RHBDD1: variants seen among roughly 807,000 people sequenced by gnomAD.
RHBDD1 encodes the protein rhomboid domain containing 1, also known as rhomboid-related protein 4.
Under a neutral mutation model 36.3 loss-of-function variants are expected in RHBDD1, and 38 were observed. The observed-to-expected ratio is 1.05, with a 90% CI of 0.81 to 1.37. The LOEUF (loss-of-function observed/expected upper bound fraction) is 1.37. Among genes scored for constraint, RHBDD1 ranks in the 40% most tolerant of loss-of-function variants. The pLI is 0.00. For missense variants in RHBDD1, 393 were observed against 377.6 expected, an observed-to-expected ratio of 1.04 and a Z score of -0.34; for synonymous variants, 151 against 136.5, an observed-to-expected ratio of 1.11 and a Z score of -0.74.
intron 3 of RHBDD1, among the ~76,000 whole-genome samples, chr2:226,850,582 A>G (rs1942708911): frequency 6.6e-6 from 1 of 152,112 alleles, no homozygotes; most frequent in Non-Finnish European, 1.5e-5. Flanking sequence ...AGATGGTGCC[A>G]TCCTGGTCTC....
At chr2:226,868,801 A>G (rs550465403) in intron 5 of RHBDD1, among the ~76,000 whole-genome samples, 1 of 152,192 alleles carries the variant, frequency 6.6e-6, no homozygotes, top group Non-Finnish European at 1.5e-5. Flanking sequence ...CCTGAGTACC[A>G]CTCATTTACA....
chr2:226,809,204 C>A, the RHBDD1 span, among the ~76,000 whole-genome samples: 6 of 152,144 alleles, frequency 3.9e-5, no homozygotes, highest in Non-Finnish European at 5.9e-5. Context: ...GAAGAACAAC[C>A]AGTAAAGTTG....
intron 8 of RHBDD1, among the ~76,000 whole-genome samples, chr2:226,953,364 A>C (rs1275678587): frequency 6.6e-6 from 1 of 152,188 alleles, no homozygotes; most frequent in Non-Finnish European, 1.5e-5. Context: ...TGTTAGTTTG[A>C]GAGCCAAATG....
At chr2:226,975,442 G>C (rs1341841360) in intron 8 of RHBDD1, among the ~76,000 whole-genome samples, 1 of 152,186 alleles carries the variant, frequency 6.6e-6, no homozygotes, top group Admixed American at 6.5e-5. Flanking sequence ...TGGCCATGGG[G>C]TGAGGGAGGG....
chr2:226,988,264 T>C, intron 8 of RHBDD1: 1 of 1,452,588 alleles, frequency 6.9e-7, no homozygotes, highest in Non-Finnish European at 9.3e-7. Context: ...ATCAGGGCCC[T>C]GAGGAGGCCA....
intron 8 of RHBDD1, among the ~76,000 whole-genome samples, chr2:226,960,775 C>A (rs1293276084): frequency 6.6e-6 from 1 of 152,172 alleles, no homozygotes; most frequent in Non-Finnish European, 1.5e-5. Flanking sequence ...CAGTCACTCT[C>A]TTCAGCCATT....
At chr2:226,909,516 C>A (rs1045543995) in intron 7 of RHBDD1, among the ~76,000 whole-genome samples, 3 of 152,118 alleles carry the variant, frequency 2.0e-5, no homozygotes, top group Non-Finnish European at 2.9e-5. Context: ...ATGCAGTGAA[C>A]TGAATGTGCC....
chr2:226,890,813 A>G (rs1160493160), intron 5 of RHBDD1, among the ~76,000 whole-genome samples: 1 of 152,208 alleles, frequency 6.6e-6, no homozygotes, highest in Non-Finnish European at 1.5e-5. Flanking sequence ...ACCCATAAAA[A>G]TTTAAAATAA....
intron 8 of RHBDD1, among the ~76,000 whole-genome samples, chr2:226,979,606 G>A (rs1955270692): frequency 6.6e-6 from 1 of 152,160 alleles, no homozygotes; most frequent in Admixed American, 6.5e-5. Context: ...GAGGAGAGAG[G>A]AAGAGCAAGA....
chr2:226,898,039 A>G (rs984920275), intron 5 of RHBDD1, among the ~76,000 whole-genome samples: 2 of 152,174 alleles, frequency 1.3e-5, no homozygotes, highest in Non-Finnish European at 2.9e-5. Context: ...GGCGGGAACT[A>G]TTAAAAGTGA....
chr2:226,818,152 ATTTTTTTT>A, the RHBDD1 span, among the ~76,000 whole-genome samples: 3 of 86,236 alleles, frequency 3.5e-5, no homozygotes, highest in Non-Finnish European at 6.6e-5. Context: ...TCCAAACAGT[ATTTTTTTT>A]TTTTTTTTTT....
At chr2:226,853,024 C>T (rs1382528204) in intron 3 of RHBDD1, among the ~76,000 whole-genome samples, 6 of 151,312 alleles carry the variant, frequency 4.0e-5, no homozygotes, top group Non-Finnish European at 5.9e-5. Flanking sequence ...CTACATTGGC[C>T]TTACAAAATG....
the RHBDD1 span, among the ~76,000 whole-genome samples, chr2:226,813,075 C>T: frequency 2.0e-3 from 297 of 152,272 alleles, 2 homozygotes; most frequent in African/African-American, 6.9e-3. Context: ...ACTGTTCTCC[C>T]TTTTGCATCC....
chr2:226,984,517 A>C (rs976971978), intron 8 of RHBDD1, among the ~76,000 whole-genome samples: 1 of 152,170 alleles, frequency 6.6e-6, no homozygotes, highest in African/African-American at 2.4e-5. Flanking sequence ...CCCCACCTCC[A>C]CATGCCATCA....
chr2:226,874,634 T>TA (rs997323379), intron 5 of RHBDD1, among the ~76,000 whole-genome samples: 1 of 152,178 alleles, frequency 6.6e-6, no homozygotes, highest in Non-Finnish European at 1.5e-5. Context: ...GTCTCTTTCT[T>TA]ATCAGGACAC....
intron 8 of RHBDD1, among the ~76,000 whole-genome samples, chr2:226,951,842 C>CA (rs1951448075): frequency 6.6e-6 from 1 of 152,194 alleles, no homozygotes; most frequent in African/African-American, 2.4e-5. Context: ...TGTTGTCCGA[C>CA]ATGTTTCAGT....
chr2:226,896,373 T>TG (rs1947095545), intron 5 of RHBDD1, among the ~76,000 whole-genome samples: 1 of 152,230 alleles, frequency 6.6e-6, no homozygotes, highest in Admixed American at 6.5e-5. Context: ...CCCTCTACAC[T>TG]GAGTCCATCA....
intron 3 of RHBDD1, among the ~76,000 whole-genome samples, chr2:226,862,116 A>G (rs892469062): frequency 3.9e-5 from 6 of 152,228 alleles, no homozygotes; most frequent in Admixed American, 1.3e-4. Flanking sequence ...GCATAGGAGT[A>G]CATTTGAGTC....
chr2:226,830,374 T>C, the RHBDD1 span, among the ~76,000 whole-genome samples: 1 of 152,216 alleles, frequency 6.6e-6, no homozygotes, highest in Non-Finnish European at 1.5e-5. Context: ...CCTCCAGAAC[T>C]GAGACATAAA....
Sources: allele counts gnomAD v4.1 joint callset (sites outside exome capture counted in the v4.1 genomes callset), GRCh38; gene constraint gnomAD v4.1.1; transcripts MANE v1.5; gene names NCBI Gene and HGNC (gene_info 2026-07-23, HGNC 2026-07-21).